Variants in GALNT13 observed in about 807,000 individuals in gnomAD.
GALNT13 encodes the protein polypeptide N-acetylgalactosaminyltransferase 13.
In GALNT13, 28 loss-of-function variants were observed where a neutral mutation model predicts 64.2. The ratio of observed to expected loss-of-function variants is 0.44; its 90% confidence interval spans 0.32 to 0.60. The LOEUF (loss-of-function observed/expected upper bound fraction) is 0.60. GALNT13 is among the 20% of genes least tolerant of loss of function. The pLI, the probability that GALNT13 is intolerant of heterozygous loss-of-function variation, is 0.05. For missense variants in GALNT13, 577 were observed against 669.8 expected, an observed-to-expected ratio of 0.86 and a Z score of 1.53; for synonymous variants, 214 against 224.6, an observed-to-expected ratio of 0.95 and a Z score of 0.42.
chr2:153,961,686 A>T (rs1692954231), intron 3 of GALNT13, among the ~76,000 whole-genome samples: 1 of 152,224 alleles, frequency 6.6e-6, no homozygotes, highest in African/African-American at 2.4e-5. Context: ...TGGAAATAAA[A>T]GCTATAGAAA....
At chr2:154,417,870 A>G (rs1326880315) in intron 11 of GALNT13, among the ~76,000 whole-genome samples, 2 of 151,926 alleles carry the variant, frequency 1.3e-5, no homozygotes, top group Non-Finnish European at 2.9e-5. Context: ...CACCATCTCT[A>G]TATAGTGCTG....
At chr2:153,301,798 C>T in the GALNT13 span, among the ~76,000 whole-genome samples, 1 of 151,916 alleles carries the variant, frequency 6.6e-6, no homozygotes, top group Non-Finnish European at 1.5e-5. Context: ...TTTCACTTAA[C>T]ATAATGTCCT....
intron 4 of GALNT13, among the ~76,000 whole-genome samples, chr2:154,148,495 C>G (rs1377258319): frequency 6.6e-6 from 1 of 152,070 alleles, no homozygotes; most frequent in Admixed American, 6.6e-5. Context: ...CCTGAGGAAT[C>G]ACCACACTGA....
chr2:153,210,643 G>T, the GALNT13 span, among the ~76,000 whole-genome samples: 53 of 115,986 alleles, frequency 4.6e-4, no homozygotes, highest in African/African-American at 1.4e-3. Context: ...GTCTGGTTTT[G>T]GTATTTGGAT....
chr2:153,175,948 C>G, the GALNT13 span, among the ~76,000 whole-genome samples: 1 of 152,066 alleles, frequency 6.6e-6, no homozygotes, highest in Admixed American at 6.6e-5. Context: ...GGAGGCTACA[C>G]CAAAAGAGTA....
chr2:153,117,971 G>A, the GALNT13 span, among the ~76,000 whole-genome samples: 1,160 of 152,102 alleles, frequency 7.6e-3, 14 homozygotes, highest in African/African-American at 0.026. Context: ...CTCTGCCTTG[G>A]TTTGCCTTAT....
intron 4 of GALNT13, among the ~76,000 whole-genome samples, chr2:154,141,367 A>G (rs1394559195): frequency 6.6e-6 from 1 of 152,158 alleles, no homozygotes; most frequent in Admixed American, 6.5e-5. Context: ...TAAACTGTTT[A>G]GTATTAATAC....
At chr2:154,269,974 G>A (rs1267278384) in intron 8 of GALNT13, among the ~76,000 whole-genome samples, 4 of 130,256 alleles carry the variant, frequency 3.1e-5, no homozygotes, top group Admixed American at 7.9e-5. Flanking sequence ...TTTCATTATG[G>A]TTCCTAATAG....
the GALNT13 span, among the ~76,000 whole-genome samples, chr2:153,138,643 A>G: frequency 2.6e-5 from 4 of 152,118 alleles, no homozygotes; most frequent in African/African-American, 9.6e-5. Context: ...GGGTAGCCAT[A>G]TAAAAATAGT....
the GALNT13 span, among the ~76,000 whole-genome samples, chr2:153,328,980 G>T: frequency 2.0e-5 from 3 of 152,250 alleles, no homozygotes; most frequent in African/African-American, 7.2e-5. Context: ...TGCAAAGACC[G>T]TGGGAAAAGC....
At chr2:153,604,594 C>T in the GALNT13 span, among the ~76,000 whole-genome samples, 1 of 152,068 alleles carries the variant, frequency 6.6e-6, no homozygotes, top group African/African-American at 2.4e-5. Context: ...ATTGGACATA[C>T]TTATTAGTTG....
At chr2:153,605,686 C>A in the GALNT13 span, among the ~76,000 whole-genome samples, 4 of 152,070 alleles carry the variant, frequency 2.6e-5, no homozygotes, top group Non-Finnish European at 5.9e-5. Context: ...CTTGGTCTTG[C>A]TTCTACTGCT....
At chr2:154,068,687 C>G (rs1162104835) in intron 3 of GALNT13, among the ~76,000 whole-genome samples, 2 of 151,784 alleles carry the variant, frequency 1.3e-5, no homozygotes, top group Non-Finnish European at 2.9e-5. Context: ...CAATCGAACT[C>G]AGAGAGAGAG....
chr2:154,393,245 A>G (rs548809995), intron 9 of GALNT13, among the ~76,000 whole-genome samples: 1 of 152,308 alleles, frequency 6.6e-6, no homozygotes, highest in South Asian at 2.1e-4. Flanking sequence ...CTCTACAGTC[A>G]CTAAATCATA....
At chr2:153,690,754 A>G in the GALNT13 span, among the ~76,000 whole-genome samples, 3 of 152,270 alleles carry the variant, frequency 2.0e-5, no homozygotes, top group East Asian at 5.8e-4. Flanking sequence ...GTGAATGAGA[A>G]ACAAATATTC....
chr2:154,188,095 A>T (rs139110026), intron 4 of GALNT13, among the ~76,000 whole-genome samples: 115 of 151,746 alleles, frequency 7.6e-4, no homozygotes, highest in Admixed American at 1.2e-3. Context: ...ACAGCAGTGC[A>T]ACTTTCCCCA....
chr2:153,214,730 T>G, the GALNT13 span, among the ~76,000 whole-genome samples: 1 of 152,074 alleles, frequency 6.6e-6, no homozygotes, highest in Non-Finnish European at 1.5e-5. Flanking sequence ...GTTTGATAAT[T>G]TAAGAATAGG....
At chr2:154,137,427 C>A (rs1004329034) in intron 3 of GALNT13, among the ~76,000 whole-genome samples, 5 of 151,946 alleles carry the variant, frequency 3.3e-5, no homozygotes, top group African/African-American at 1.2e-4. Flanking sequence ...TAAGTTGTTA[C>A]CTATTCTCCA....
At chr2:153,305,226 C>T in the GALNT13 span, among the ~76,000 whole-genome samples, 1 of 152,056 alleles carries the variant, frequency 6.6e-6, no homozygotes, top group Admixed American at 6.6e-5. Context: ...TGTGATGGAA[C>T]ATATAGGTTC....
Sources: allele counts gnomAD v4.1 joint callset (sites outside exome capture counted in the v4.1 genomes callset), GRCh38; gene constraint gnomAD v4.1.1; transcripts MANE v1.5; gene names NCBI Gene and HGNC (gene_info 2026-07-23, HGNC 2026-07-21).